The following GNG7 variants were observed in gnomAD, a reference collection of about 807,000 sequenced individuals.
GNG7 encodes guanine nucleotide-binding protein G(I)/G(S)/G(O) subunit gamma-7.
In GNG7, 1 loss-of-function variant was observed where a neutral mutation model predicts 4.0. The ratio of observed to expected loss-of-function variants is 0.25; its 90% confidence interval spans 0.09 to 1.18. The LOEUF (loss-of-function observed/expected upper bound fraction) is 1.18, where lower values mean the gene tolerates loss of function less well. Ranked by LOEUF, GNG7 falls within the 50% of genes most tolerant of loss-of-function variation. The pLI is 0.50. For synonymous variants in GNG7, 34 were observed against 36.9 expected (o/e 0.92, Z 0.29); for missense variants, 86 against 91.9 (o/e 0.94, Z 0.26).
At chr19:2,587,117 G>A (rs1214938245) in intron 2 of GNG7, among the ~76,000 whole-genome samples, 2 of 151,952 alleles carry the variant, frequency 1.3e-5, no homozygotes, top group Non-Finnish European at 2.9e-5. Context: ...ATGTCCCCCA[G>A]GGGCTAGGAT....
chr19:2,548,715 C>T (rs572596376), intron 3 of GNG7, among the ~76,000 whole-genome samples: 40 of 146,802 alleles, frequency 2.7e-4, no homozygotes, highest in Admixed American at 4.7e-4. Context: ...CTTGAACCCA[C>T]GTGGCGGAGG....
At chr19:2,531,303 CA>C (rs58133235) in intron 3 of GNG7, among the ~76,000 whole-genome samples, 51 of 95,050 alleles carry the variant, frequency 5.4e-4, no homozygotes, top group South Asian at 1.8e-3. Context: ...GATTCCGTCT[CA>C]AAAAAAAAAA....
intron 2 of GNG7, among the ~76,000 whole-genome samples, chr19:2,566,439 G>A (rs945334181): frequency 2.0e-5 from 3 of 152,170 alleles, no homozygotes; most frequent in African/African-American, 7.2e-5. Context: ...GAATGAACCC[G>A]TGGTGTCTAA....
intron 3 of GNG7, among the ~76,000 whole-genome samples, chr19:2,554,145 A>T (rs944179808): frequency 8.3e-4 from 121 of 146,502 alleles, no homozygotes; most frequent in African/African-American, 3.0e-3. Context: ...TATAGCAGTG[A>T]ACTATAATAT....
chr19:2,522,010 C>G (rs1599370953), intron 3 of GNG7, among the ~76,000 whole-genome samples: 1 of 152,266 alleles, frequency 6.6e-6, no homozygotes, highest in East Asian at 1.9e-4. Context: ...GATCACAGGA[C>G]GCAGAGTCTC....
chr19:2,637,160 G>A (rs1186928565), intron 2 of GNG7, among the ~76,000 whole-genome samples: 1 of 152,042 alleles, frequency 6.6e-6, no homozygotes, highest in Non-Finnish European at 1.5e-5. Context: ...GTGGCCGCCA[G>A]CGGTAACAGC....
intron 4 of GNG7, among the ~76,000 whole-genome samples, chr19:2,515,677 C>T (rs887847212): frequency 6.6e-6 from 1 of 151,950 alleles, no homozygotes; most frequent in Non-Finnish European, 1.5e-5. Flanking sequence ...ATGCCTGCCT[C>T]AGCCTCCCAC....
chr19:2,671,629 G>C (rs1227588554), intron 1 of GNG7, among the ~76,000 whole-genome samples: 5 of 152,086 alleles, frequency 3.3e-5, no homozygotes, highest in Non-Finnish European at 7.3e-5. Flanking sequence ...CGGAGCCCCA[G>C]AGAGACAACA....
At chr19:2,680,111 G>A (rs1482458098) in intron 1 of GNG7, among the ~76,000 whole-genome samples, 2 of 151,298 alleles carry the variant, frequency 1.3e-5, no homozygotes, top group Non-Finnish European at 2.9e-5. Flanking sequence ...CCAGGAGTTC[G>A]AGCAGCCTGG....
At chr19:2,521,030 T>C (rs1178366989) in intron 3 of GNG7, among the ~76,000 whole-genome samples, 2 of 150,070 alleles carry the variant, frequency 1.3e-5, no homozygotes, top group African/African-American at 4.9e-5. Context: ...CTGAGGCAGG[T>C]GGATCATGAG....
Position 2,589,371 on chromosome 19 carries a change from CTT to C in GNG7, c.-77-34185_-77-34184del, listed in dbSNP as rs33940288. 1.7e-3 allele frequency among the ~76,000 whole-genome samples: 166 copies of C among 100,564 alleles called. 2 individuals carry two copies. Among genetic ancestry groups the C allele is most frequent in the East Asian group, 0.015 (42 of 2,812 alleles). The allele number at this position is 100,564 out of a possible 152,430, so 66.0% of individuals were successfully genotyped here. A position where few individuals can be genotyped will look rare whatever the true frequency, so the allele number is the denominator to read the frequency against. ...CCAGGTAGCTGGGACTACAGGTGCA[CTT>C]TTTTTTTTTTTTTTTTTTTTTTAAA... On this transcript the variant is annotated intron_variant, in intron 2 of 4. Transcript: ENST00000382159.
In GNG7 at chr19:2,561,334, C is replaced by G. The variant is rs73918009; in HGVS notation, c.-77-6146G>C. On this transcript the variant is annotated intron_variant, in intron 2 of 4. Coordinates refer to ENST00000382159, the MANE Select transcript of GNG7 (RefSeq NM_052847.3). Reference sequence around the variant, plus strand: ...GGAGGCCAGGGACGCTGTTCAGCACCCTGCAGTGCCCAGGTTGGCCCAACC... The same window carrying G: ...GGAGGCCAGGGACGCTGTTCAGCACGCTGCAGTGCCCAGGTTGGCCCAACC... Among the ~76,000 whole-genome samples the G allele has an allele frequency of 2.6e-5, 4 of 152,086 alleles. No individual in the cohort carries two copies. The East Asian group carries it at 7.7e-4, about 29-fold the overall frequency.
chr19:2,652,420 G>A (rs1422374163), intron 1 of GNG7, among the ~76,000 whole-genome samples: 2 of 151,860 alleles, frequency 1.3e-5, no homozygotes, highest in African/African-American at 4.8e-5. Flanking sequence ...GGGAGTTCAA[G>A]ACCAGCCTGG....
chr19:2,524,984 A>G (rs1369982194), intron 3 of GNG7, among the ~76,000 whole-genome samples: 1 of 151,056 alleles, frequency 6.6e-6, no homozygotes, highest in Non-Finnish European at 1.5e-5. Flanking sequence ...TGCATCACCC[A>G]TGCAGTCGCC....
chr19:2,672,050 C>CAAA lies in GNG7; in HGVS notation c.-134-25773_-134-25771dup, dbSNP rs528016536. Among the ~76,000 whole-genome samples the CAAA allele has an allele frequency of 5.9e-3, 517 of 86,912 alleles. 16 individuals are homozygous for CAAA. Among genetic ancestry groups the CAAA allele is most frequent in the Non-Finnish European group, 7.5e-3 (358 of 47,546 alleles). 57.0% of individuals were successfully genotyped at this position (86,912 alleles called of 152,430 possible). A position where few individuals can be genotyped will look rare whatever the true frequency, so the allele number is the denominator to read the frequency against. On this transcript the variant is annotated intron_variant, in intron 1 of 4. Coordinates refer to ENST00000382159, the MANE Select transcript of GNG7 (RefSeq NM_052847.3). ...TGGGTGACAGAGTGAGACTCCGTCT[C>CAAA]AAAAAAAAAAAAAAAAAAAGATGGA...
In GNG7 at chr19:2,514,938, A is replaced by C; in HGVS notation, c.*84T>G. ...ATGTTTTGTTTGAGCTAATTACTGA[A>C]TGATGCCCTGCCTGAGACAGAGACA... On this transcript the variant is annotated 3_prime_UTR_variant, in exon 5 of 5. Transcript: ENST00000382159. 1 of 1,141,740 alleles carries C rather than the reference A, an allele frequency of 8.8e-7. No homozygotes were observed. The highest frequency in any genetic ancestry group is 1.3e-6 in the Non-Finnish European group (1 of 770,676). The allele number at this position is 1,141,740 out of a possible 1,614,324, so 70.7% of individuals were successfully genotyped here.
intron 3 of GNG7, among the ~76,000 whole-genome samples, chr19:2,527,390 C>T (rs1293823703): frequency 6.6e-6 from 1 of 152,186 alleles, no homozygotes; most frequent in African/African-American, 2.4e-5. Flanking sequence ...AGGAAGGGGG[C>T]CTGGGTTCCT....
intron 1 of GNG7, among the ~76,000 whole-genome samples, chr19:2,692,927 A>G (rs913457206): frequency 4.6e-5 from 7 of 151,044 alleles, no homozygotes; most frequent in Admixed American, 3.3e-4. Flanking sequence ...TCAAGGCTGC[A>G]GTGAGCTGCG....
At chr19:2,550,330 G>A (rs921449956) in intron 3 of GNG7, among the ~76,000 whole-genome samples, 8 of 152,200 alleles carry the variant, frequency 5.3e-5, no homozygotes, top group Non-Finnish European at 1.2e-4. Flanking sequence ...CGATTCTCCT[G>A]CCTCAGCCTC....
Sources: gnomAD v4.1 joint callset for allele counts (sites outside exome capture counted in the v4.1 genomes callset) on GRCh38, gnomAD v4.1.1 for gene constraint, MANE v1.5 for transcripts, NCBI Gene and HGNC (gene_info 2026-07-23, HGNC 2026-07-21) for gene names.